The following BTD variants were observed in gnomAD, a reference collection of about 807,000 sequenced individuals.
The protein encoded by BTD is biotinidase, also known as biocytinase.
A neutral mutation model predicts 17.7 loss-of-function variants in BTD; 13 were observed. That is an observed-to-expected ratio of 0.74 (90% CI 0.48 to 1.17). The LOEUF is 1.17. Ranked by LOEUF, BTD falls within the 50% of genes most tolerant of loss-of-function variation. The probability of loss-of-function intolerance (pLI) is 0.00; values close to 1 mark genes in which losing one functional copy is unlikely to be tolerated. For synonymous variants in BTD, 240 were observed against 245.2 expected, an observed-to-expected ratio of 0.98 and a Z score of 0.20; for missense variants, 674 against 650.4, an observed-to-expected ratio of 1.04 and a Z score of -0.39.
At chr3:15,615,575 A>T (rs2455810) in intron 1 of BTD, among the ~76,000 whole-genome samples, 77,046 of 152,030 alleles carry the variant, frequency 0.51, 22,720 homozygotes, top group African/African-American at 0.81. Context: ...CAGTTACTTG[A>T]TTTTAGTTTT....
intron 3 of BTD, among the ~76,000 whole-genome samples, chr3:15,698,833 T>G (rs555649640): frequency 6.6e-6 from 1 of 152,292 alleles, no homozygotes; most frequent in South Asian, 2.1e-4. Context: ...CTTTATAGAT[T>G]GAATGCCATC....
intron 3 of BTD, among the ~76,000 whole-genome samples, chr3:15,707,579 C>T (rs1248898686): frequency 6.6e-6 from 1 of 152,092 alleles, no homozygotes; most frequent in Non-Finnish European, 1.5e-5. Flanking sequence ...CATATATCTC[C>T]TCTCTCCCTT....
In BTD at chr3:15,650,842, T is replaced by A. The variant is rs1166284985; in HGVS notation, c.*5354T>A. Among the ~76,000 whole-genome samples the A allele has an allele frequency of 2.6e-5, 4 of 152,224 alleles. No homozygotes were observed. The highest frequency in any genetic ancestry group is 2.6e-4 in the Admixed American group (4 of 15,286). ...AGGAGTGCAATGGCATGATCTCGGCTCACTGCAAGCTCTGCCTCCCGAGTT... is the reference window on the plus strand; with the variant it reads ...AGGAGTGCAATGGCATGATCTCGGCACACTGCAAGCTCTGCCTCCCGAGTT... On this transcript the variant is annotated 3_prime_UTR_variant, in exon 4 of 4. Transcript: ENST00000643237.
At chr3:15,657,041 G>T (rs1271774764), downstream of BTD, among the ~76,000 whole-genome samples, 4 of 152,196 alleles carry the variant, frequency 2.6e-5, no homozygotes, top group Admixed American at 6.5e-5. Context: ...CAGCTGGAAG[G>T]CTCCTCTGGG....
intron 2 of BTD, among the ~76,000 whole-genome samples, chr3:15,636,426 C>A (rs2125458416): frequency 6.6e-6 from 1 of 152,202 alleles, no homozygotes; most frequent in African/African-American, 2.4e-5. Flanking sequence ...AGGGTGGGGA[C>A]AAAGGAGAGG....
intron 3 of BTD, among the ~76,000 whole-genome samples, chr3:15,708,494 A>C (rs2071771190): frequency 6.6e-6 from 1 of 152,164 alleles, no homozygotes; most frequent in South Asian, 2.1e-4. Context: ...AAATAGAAGA[A>C]ACATTAAAAA....
intron 3 of BTD, among the ~76,000 whole-genome samples, chr3:15,677,257 A>C (rs1025085125): frequency 2.0e-5 from 3 of 152,158 alleles, no homozygotes; most frequent in African/African-American, 4.8e-5. Context: ...AAGATTAAGG[A>C]AAGAGGATAA....
At chr3:15,618,981 G>A (rs1055799709) in intron 1 of BTD, among the ~76,000 whole-genome samples, 8 of 152,012 alleles carry the variant, frequency 5.3e-5, no homozygotes, top group African/African-American at 9.7e-5. Flanking sequence ...TTTCTACATC[G>A]ATGACAATTT....
intron 1 of BTD, among the ~76,000 whole-genome samples, chr3:15,612,401 T>C (rs2064662815): frequency 6.6e-6 from 1 of 152,202 alleles, no homozygotes; most frequent in African/African-American, 2.4e-5. Context: ...ATTTCTGGCT[T>C]ATATTTTATT....
At chr3:15,700,714 C>T (rs2070451932) in intron 3 of BTD, among the ~76,000 whole-genome samples, 1 of 152,086 alleles carries the variant, frequency 6.6e-6, no homozygotes, top group Non-Finnish European at 1.5e-5. Context: ...GCGGAGGTTG[C>T]AGTGAGCAGA....
chr3:15,691,202 A>G (rs1323852790), intron 3 of BTD, among the ~76,000 whole-genome samples: 1 of 151,030 alleles, frequency 6.6e-6, no homozygotes, highest in Non-Finnish European at 1.5e-5. Flanking sequence ...AGCTCACTGC[A>G]ACCTCCGCCT....
chr3:15,712,211 T>C (rs1319513336), exon 4 of BTD: 22 of 1,580,630 alleles, frequency 1.4e-5, no homozygotes, highest in Admixed American at 1.8e-5. Context: ...GAACATTCCA[T>C]GTATGCCACG....
chr3:15,636,610 A>G (rs1223428369), intron 2 of BTD, among the ~76,000 whole-genome samples: 1 of 152,168 alleles, frequency 6.6e-6, no homozygotes, highest in Non-Finnish European at 1.5e-5. Flanking sequence ...TGTGAGCAAC[A>G]CTTTCCTGCT....
downstream of BTD, among the ~76,000 whole-genome samples, chr3:15,655,775 A>G (rs1379145598): frequency 1.3e-5 from 2 of 152,212 alleles, no homozygotes; most frequent in Non-Finnish European, 2.9e-5. Flanking sequence ...AACAGTATTC[A>G]TGTATGACAG....
intron 3 of BTD, among the ~76,000 whole-genome samples, chr3:15,690,434 TA>T (rs2068639162): frequency 6.6e-6 from 1 of 152,242 alleles, no homozygotes; most frequent in Non-Finnish European, 1.5e-5. Context: ...ATTCTAAAAA[TA>T]ATACAAGTTC....
At chr3:15,703,510 T>C (rs1201828979) in intron 3 of BTD, among the ~76,000 whole-genome samples, 1 of 152,226 alleles carries the variant, frequency 6.6e-6, no homozygotes, top group Non-Finnish European at 1.5e-5. Context: ...TCATTCCTTC[T>C]ACCATGTGAG....
intron 3 of BTD, among the ~76,000 whole-genome samples, chr3:15,682,508 G>C (rs537135071): frequency 3.7e-4 from 56 of 152,178 alleles, no homozygotes; most frequent in Non-Finnish European, 5.4e-4. Flanking sequence ...CTAGTCTGAG[G>C]ATGTTTAGAG....
chr3:15,635,327 G>A lies in BTD; in HGVS notation c.-16-97G>A. 3.8e-6 allele frequency: 6 copies of A among 1,572,876 alleles called. No individual in the cohort carries two copies. Among genetic ancestry groups the A allele is most frequent in the Non-Finnish European group, 5.2e-6 (6 of 1,148,114 alleles). ...TGAGCCGCAGTATCACTGCGAGTGA[G>A]TTTAATTGCTGGGATTAATAAATCA... On this transcript the variant is annotated intron_variant, in intron 1 of 3. Transcript: ENST00000643237. The surrounding 1 kb of genome is among the most constrained non-coding windows in gnomAD (Gnocchi z 4.1).
chr3:15,641,659 G>A lies in BTD; in HGVS notation c.250-249G>A, dbSNP rs115059967. The stretch of plus-strand genomic sequence containing the variant: ...TACACATTCCCTCCTTCCCTCACAT[G>A]ACCCCAGGCACAGTTAATGGTTGTT... On this transcript the variant is annotated intron_variant, in intron 2 of 3. Coordinates refer to ENST00000643237, the MANE Select transcript of BTD (RefSeq NM_001370658.1). 0.01 allele frequency among the ~76,000 whole-genome samples: 1,581 copies of A among 152,168 alleles called. 29 individuals are homozygous for A. The highest frequency in any genetic ancestry group is 0.036 in the African/African-American group (1,483 of 41,508).
Sources: gnomAD v4.1 joint callset for allele counts (sites outside exome capture counted in the v4.1 genomes callset) on GRCh38, gnomAD v4.1.1 for gene constraint, Gnocchi (gnomAD v3.1) non-coding constraint, MANE v1.5 for transcripts, NCBI Gene and HGNC (gene_info 2026-07-23, HGNC 2026-07-21) for gene names.